LHX8: variants seen among roughly 807,000 people sequenced by gnomAD.
The protein encoded by LHX8 is LIM/homeobox protein Lhx8.
In LHX8, 12 loss-of-function variants were observed where a neutral mutation model predicts 40.3. The ratio of observed to expected loss-of-function variants is 0.30; its 90% confidence interval spans 0.19 to 0.48. The LOEUF is 0.48. LHX8 is among the 20% of genes least tolerant of loss of function. LHX8 has a pLI of 0.99. For missense variants in LHX8, 344 were observed against 433.7 expected, an observed-to-expected ratio of 0.79 and a Z score of 1.84; for synonymous variants, 179 against 162.0, an observed-to-expected ratio of 1.10 and a Z score of -0.80.
chr1:75,147,938 C>G (rs1048905068), intron 6 of LHX8, among the ~76,000 whole-genome samples: 1 of 152,190 alleles, frequency 6.6e-6, no homozygotes, highest in African/African-American at 2.4e-5. Flanking sequence ...GTTTCACTAT[C>G]TCTTAGCACT....
chr1:75,186,256 C>G, the LHX8 span, among the ~76,000 whole-genome samples: 1 of 152,266 alleles, frequency 6.6e-6, no homozygotes, highest in East Asian at 1.9e-4. Flanking sequence ...GTAAGAAGAG[C>G]AAAGCTGGAG....
the LHX8 span, among the ~76,000 whole-genome samples, chr1:75,179,012 A>G: frequency 2.0e-5 from 3 of 152,094 alleles, no homozygotes; most frequent in African/African-American, 7.2e-5. Flanking sequence ...CTGAGTTCTA[A>G]TTTGATTGCA....
At chr1:75,160,501 G>T in intron 8 of LHX8, 1 of 352,896 alleles carries the variant, frequency 2.8e-6, no homozygotes, top group East Asian at 6.0e-5. Context: ...TCATGAGAAA[G>T]CTAGCAGCAG....
chr1:75,182,497 C>T, the LHX8 span, among the ~76,000 whole-genome samples: 1 of 151,984 alleles, frequency 6.6e-6, no homozygotes, highest in Non-Finnish European at 1.5e-5. Context: ...CCTCAGGCTC[C>T]CAAGTAGTTG....
the LHX8 span, among the ~76,000 whole-genome samples, chr1:75,166,826 T>C: frequency 6.6e-6 from 1 of 152,160 alleles, no homozygotes; most frequent in Non-Finnish European, 1.5e-5. Flanking sequence ...TCGGGAAACT[T>C]CTAACAAAGA....
At chr1:75,131,310 G>A (rs1647953776), upstream of LHX8, 1 of 168,006 alleles carries the variant, frequency 6.0e-6, no homozygotes, top group South Asian at 1.4e-4. Context: ...TCTCTCAAAC[G>A]TGTGGTTACT....
intron 6 of LHX8, among the ~76,000 whole-genome samples, chr1:75,145,555 C>T (rs1340214213): frequency 1.3e-5 from 2 of 152,088 alleles, no homozygotes; most frequent in African/African-American, 4.8e-5. Flanking sequence ...CATTTATCTA[C>T]TTTATCTCCT....
At chr1:75,166,091 C>T (rs1300708679), downstream of LHX8, among the ~76,000 whole-genome samples, 7 of 152,138 alleles carry the variant, frequency 4.6e-5, no homozygotes, top group South Asian at 2.1e-4. Flanking sequence ...ACTCTGAGGC[C>T]GGGCAGTTGG....
chr1:75,173,571 A>T, the LHX8 span, among the ~76,000 whole-genome samples: 2 of 150,972 alleles, frequency 1.3e-5, no homozygotes, highest in Admixed American at 6.6e-5. Flanking sequence ...TTTAGTAGAG[A>T]CGGGATTTCA....
At chr1:75,154,224 A>C (rs974127123) in intron 7 of LHX8, among the ~76,000 whole-genome samples, 3 of 152,140 alleles carry the variant, frequency 2.0e-5, no homozygotes, top group Admixed American at 2.0e-4. Context: ...GATGTCTGGA[A>C]TCTTAAACTA....
intron 7 of LHX8, among the ~76,000 whole-genome samples, chr1:75,153,685 A>C (rs1648676839): frequency 6.6e-6 from 1 of 152,226 alleles, no homozygotes; most frequent in Admixed American, 6.5e-5. Flanking sequence ...CTGGGACTAC[A>C]GGTGTGAGCC....
upstream of LHX8, chr1:75,132,430 G>C (rs1362842786): frequency 6.6e-6 from 1 of 152,276 alleles, no homozygotes; most frequent in Non-Finnish European, 1.5e-5. Context: ...CAAGGCGCCT[G>C]GAGTAAAGCG....
At chr1:75,139,187 T>C (rs973695561) in intron 3 of LHX8, among the ~76,000 whole-genome samples, 9 of 152,194 alleles carry the variant, frequency 5.9e-5, no homozygotes, top group African/African-American at 1.9e-4. Context: ...CCTTGTCCAA[T>C]AACTTCAGTG....
At chr1:75,157,118 G>A in intron 8 of LHX8, 42 bp downstream of exon 8, 1 of 1,570,860 alleles carries the variant, frequency 6.4e-7, no homozygotes, top group African/African-American at 1.3e-5. Context: ...CAGGCAATCA[G>A]CAACTGGTAA....
chr1:75,141,374 A>T (rs1557487812), intron 4 of LHX8, among the ~76,000 whole-genome samples: 1 of 152,102 alleles, frequency 6.6e-6, no homozygotes, highest in Non-Finnish European at 1.5e-5. Context: ...ACAAACAGGG[A>T]ATCTTTTTTG....
Position 75,136,569 on chromosome 1 carries a change from T to C in LHX8, c.-12-34T>C, listed in dbSNP as rs774699118. The C allele has an allele frequency of 1.0e-5, 15 of 1,471,146 alleles. No homozygotes were observed. The African/African-American group carries it at 2.0e-4, about 19-fold the overall frequency. 91.1% of individuals were successfully genotyped at this position (1,471,146 alleles called of 1,614,324 possible). A position where few individuals can be genotyped will look rare whatever the true frequency, so the allele number is the denominator to read the frequency against. On this transcript the variant is annotated intron_variant, in intron 1 of 8. Coordinates refer to ENST00000356261, the MANE Select transcript of LHX8 (RefSeq NM_001256114.2). The stretch of plus-strand genomic sequence containing the variant: ...CAGCACGCTCGGAACTTCTGATCTG[T>C]TTCTCCATACTTTCTCCCCCTCCTA...
the LHX8 span, among the ~76,000 whole-genome samples, chr1:75,197,779 A>G: frequency 7.2e-5 from 11 of 152,162 alleles, no homozygotes; most frequent in Admixed American, 7.2e-4. Flanking sequence ...TTTCCTGTCT[A>G]CAACCCAATG....
chr1:75,149,104 G>T (rs540031086), intron 7 of LHX8, among the ~76,000 whole-genome samples: 1 of 152,280 alleles, frequency 6.6e-6, no homozygotes, highest in Non-Finnish European at 1.5e-5. Flanking sequence ...GGCTAAACAT[G>T]TTCCAAGATA....
At chr1:75,182,427 G>C in the LHX8 span, among the ~76,000 whole-genome samples, 1 of 139,814 alleles carries the variant, frequency 7.2e-6, no homozygotes, top group East Asian at 2.1e-4. Flanking sequence ...AAGCTGGAGT[G>C]CAATGGTGCG....
Sources: gnomAD v4.1 joint callset for allele counts (sites outside exome capture counted in the v4.1 genomes callset) on GRCh38, gnomAD v4.1.1 for gene constraint, MANE v1.5 for transcripts, NCBI Gene and HGNC (gene_info 2026-07-23, HGNC 2026-07-21) for gene names.